TGDS: variants seen among roughly 807,000 people sequenced by gnomAD.
TGDS encodes the protein TDP-glucose 4,6-dehydratase.
TGDS carries 47 observed loss-of-function variants against 52.3 expected under a neutral mutation model. The ratio of observed to expected loss-of-function variants is 0.90; its 90% CI spans 0.71 to 1.15. The LOEUF is 1.15. Ranked by LOEUF, TGDS falls within the 50% of genes most tolerant of loss-of-function variation. TGDS has a pLI of 0.00. For missense variants in TGDS, 375 were observed against 418.4 expected, an observed-to-expected ratio of 0.90 and a Z score of 0.90; for synonymous variants, 115 against 136.9, an observed-to-expected ratio of 0.84 and a Z score of 1.12.
At chr13:94,590,799 G>A in intron 4 of TGDS, 54 bp downstream of exon 4, 8 of 1,370,282 alleles carry the variant, frequency 5.8e-6, no homozygotes, top group South Asian at 5.7e-5. Context: ...TATTAGGGGG[G>A]CGAGGGCGGG....
At position 94,596,016 on chromosome 13, in the gene TGDS, G is replaced by T. The variant is rs763799035; in HGVS notation, c.86+35C>A. 30 of 1,611,698 alleles carry T rather than the reference G, an allele frequency of 1.9e-5. No individual in the cohort carries two copies. In the Admixed American group the frequency reaches 2.8e-4, roughly 15 times the overall value. On this transcript the variant is annotated intron_variant, in intron 1 of 11. Coordinates refer to ENST00000261296, the MANE Select transcript of TGDS (RefSeq NM_014305.4). ...TGCGGGAAAAGGTAGGGGTTTCTGG[G>T]GAGCCACTGCTTGGCTAGCGGCGCC...
chr13:94,575,737 CT>C (rs555196392), intron 11 of TGDS, among the ~76,000 whole-genome samples: 1 of 151,996 alleles, frequency 6.6e-6, no homozygotes, highest in African/African-American at 2.4e-5. Flanking sequence ...TGAATCAAAA[CT>C]TTTTTTTCTA....
At chr13:94,575,577 C>T (rs1888574893) in intron 11 of TGDS, among the ~76,000 whole-genome samples, 1 of 152,092 alleles carries the variant, frequency 6.6e-6, no homozygotes, top group African/African-American at 2.4e-5. Flanking sequence ...ATGTGAGCCA[C>T]TATGCCCAGC....
rs7331791 is a variant in TGDS at position 94,592,475 on chromosome 13, C to T, written c.154-166G>A. 3.6e-3 allele frequency among the ~76,000 whole-genome samples: 554 copies of T among 152,090 alleles called. 7 individuals are homozygous for T. The highest frequency in any genetic ancestry group is 0.013 in the African/African-American group (523 of 41,502). Reference sequence around the variant, plus strand: ...TCTTTACACTACTTTTTTTTTGAGACGGAGTCTCACTCTGTTGCCCAGGCT... The same window carrying T: ...TCTTTACACTACTTTTTTTTTGAGATGGAGTCTCACTCTGTTGCCCAGGCT... On this transcript the variant is annotated intron_variant, in intron 2 of 11. Transcript: ENST00000261296.
Position 94,574,789 on chromosome 13 carries a change from G to A in TGDS, c.1046C>T (p.Pro349Leu), listed in dbSNP as rs533417105. The change falls in exon 12 of 12, where the codon CCG becomes CTG. Residue 349 changes from proline to leucine, a missense_variant. By Grantham distance (98) the Pro-to-Leu change is moderately conservative (BLOSUM62 -3). Transcript: ENST00000261296. ...CGACTATATAAATGGTGATTATACC[G>A]GAAAGGGTTCTAATGCCTTTTCCAC... ...KNVEKALEPFPV is the reference protein window; with the variant it reads ...KNVEKALEPFLV 278 of 1,598,766 alleles carry A rather than the reference G, an allele frequency of 1.7e-4. 1 individual carries two copies. The Middle Eastern group carries it at 2.2e-3, about 12-fold the overall frequency.
intron 4 of TGDS, among the ~76,000 whole-genome samples, chr13:94,584,130 A>G (rs953841500): frequency 6.6e-6 from 1 of 152,236 alleles, no homozygotes; most frequent in Non-Finnish European, 1.5e-5. Flanking sequence ...TAAGGAAGGA[A>G]ACTTGGAAAT....
rs572019007 is a variant in TGDS at position 94,576,492 on chromosome 13, A to AT, written c.885-82dup. 46 of 910,596 alleles carry AT rather than the reference A, an allele frequency of 5.1e-5. No homozygotes were observed. The South Asian group carries it at 1.3e-3, about 25-fold the overall frequency. The allele number at this position is 910,596 out of a possible 1,614,324, so 56.4% of individuals were successfully genotyped here. A position where few individuals can be genotyped will look rare whatever the true frequency, so the allele number is the denominator to read the frequency against. On this transcript the variant is annotated intron_variant, in intron 10 of 11. Coordinates refer to ENST00000261296, the MANE Select transcript of TGDS (RefSeq NM_014305.4). ...GATATTAGGAGATATGTGTTTATGC[A>AT]TTTTTACCACAACCCAACTTTTCTC... is the stretch of plus-strand genomic sequence containing the variant.
intron 3 of TGDS, 62 bp downstream of exon 3, chr13:94,592,177 CAA>C (rs1413228633): frequency 7.1e-6 from 9 of 1,266,948 alleles, no homozygotes; most frequent in Non-Finnish European, 8.8e-6. Context: ...TTGTAAAGTA[CAA>C]AGATACTATA....
rs768009307 is a variant in TGDS, at chr13:94,590,947, T to C, written c.223-4A>G. On this transcript the variant is annotated splice_polypyrimidine_tract_variant and splice_region_variant and intron_variant, in intron 3 of 11. Transcript: ENST00000261296. ...AGTGAGAATCACATATGTCACCCTATATGAAAAAGCAAACATGAAAGGGCC... is the reference window on the plus strand; with the variant it reads ...AGTGAGAATCACATATGTCACCCTACATGAAAAAGCAAACATGAAAGGGCC... 7.7e-6 allele frequency: 12 copies of C among 1,565,180 alleles called. No individual in the cohort carries two copies. The highest frequency in any genetic ancestry group is 6.2e-5 in the South Asian group (5 of 81,272).
intron 2 of TGDS, 72 bp from the exon 3 acceptor site, chr13:94,592,381 T>A: frequency 8.5e-7 from 1 of 1,174,480 alleles, no homozygotes; most frequent in Non-Finnish European, 1.2e-6. Flanking sequence ...TACCAATTTA[T>A]TTTAAAGACT....
At position 94,596,049 on chromosome 13, in the gene TGDS, A is replaced by G. The variant is rs1345536203; in HGVS notation, c.86+2T>C. The stretch of plus-strand genomic sequence containing the variant: ...TGCTTGGCTAGCGGCGCCATTACCT[A>G]CATGAAACCAGCACCGCCGGTCACC... On this transcript the variant is annotated splice_donor_variant, in intron 1 of 11. Transcript: ENST00000261296. LOFTEE classifies it high-confidence loss of function. The G allele has an allele frequency of 1.2e-6, 2 of 1,614,020 alleles. No homozygotes were observed. Among genetic ancestry groups the G allele is most frequent in the South Asian group, 2.2e-5 (2 of 91,086 alleles).
intron 8 of TGDS, 110 bp downstream of exon 8, chr13:94,578,620 T>C: frequency 1.3e-6 from 1 of 745,624 alleles, no homozygotes; most frequent in Non-Finnish European, 2.3e-6. Context: ...TTAAATTTAG[T>C]GGGGCATTCA....
In TGDS at chr13:94,574,765, G is replaced by A. The variant is rs780321031; in HGVS notation, c.*17C>T. On this transcript the variant is annotated 3_prime_UTR_variant, in exon 12 of 12. Transcript: ENST00000261296. ...AACTTTCTTCTTTGACAACTGTCTCGACTATATAAATGGTGATTATACCGG... is the reference window on the plus strand; with the variant it reads ...AACTTTCTTCTTTGACAACTGTCTCAACTATATAAATGGTGATTATACCGG... The A allele has an allele frequency of 2.0e-6, 3 of 1,534,456 alleles. No homozygotes were observed. The highest frequency in any genetic ancestry group is 1.4e-5 in the African/African-American group (1 of 71,968).
intron 6 of TGDS, 59 bp downstream of exon 6, chr13:94,581,032 A>T: frequency 1.0e-6 from 1 of 981,996 alleles, no homozygotes; most frequent in East Asian, 2.7e-5. Flanking sequence ...GCTGACTTGG[A>T]GTTTTAACAC....
At chr13:94,588,321 G>A (rs1451575376) in intron 4 of TGDS, among the ~76,000 whole-genome samples, 1 of 150,774 alleles carries the variant, frequency 6.6e-6, no homozygotes. Context: ...TACTCAGGAG[G>A]CTGAGGCAGG....
chr13:94,579,954 C>A lies in TGDS; in HGVS notation c.556-1G>T. 6.3e-7 allele frequency: 1 copy of A among 1,587,520 alleles called. No homozygotes were observed. The highest frequency in any genetic ancestry group is 8.6e-7 in the Non-Finnish European group (1 of 1,160,142). ...TGCTTCTTGTGATGACAACTGGAAACTTAAAAGAATATCCAACATTAAGGC... is the reference window on the plus strand; with the variant it reads ...TGCTTCTTGTGATGACAACTGGAAAATTAAAAGAATATCCAACATTAAGGC... On this transcript the variant is annotated splice_acceptor_variant, in intron 6 of 11. Transcript: ENST00000261296. LOFTEE classifies it high-confidence loss of function.
chr13:94,589,650 G>C (rs1237124295), intron 4 of TGDS, among the ~76,000 whole-genome samples: 2 of 152,130 alleles, frequency 1.3e-5, no homozygotes, highest in Non-Finnish European at 2.9e-5. Flanking sequence ...TTTCATAAAG[G>C]AGAAATCCAA....
chr13:94,578,952 C>T (rs975750977), intron 7 of TGDS, among the ~76,000 whole-genome samples, 179 bp from the exon 8 acceptor site: 15 of 152,028 alleles, frequency 9.9e-5, no homozygotes, highest in Non-Finnish European at 1.8e-4. Flanking sequence ...TCCTAGTTTG[C>T]TATTTCATAA....
rs776492009 is a variant in TGDS at position 94,583,117 on chromosome 13, C to T, written c.433G>A (p.Val145Ile). Residue 145 changes from valine to isoleucine, a missense_variant, in exon 5 of 12, where the codon GTA becomes ATA. Transcript: ENST00000261296. ...ACCTTATCAAGACTGCCACCATATA[C>T]TTCATCTGTGCTGACATAAATAAAC... is the stretch of plus-strand genomic sequence containing the variant. Reference protein sequence around the residue: ...EKFIYVSTDEVYGGSLDKEFD... With the variant: ...EKFIYVSTDEIYGGSLDKEFD... The T allele has an allele frequency of 8.7e-6, 14 of 1,613,762 alleles. No homozygotes were observed. The highest frequency in any genetic ancestry group is 9.3e-6 in the Non-Finnish European group (11 of 1,179,866).
Sources: gnomAD v4.1 joint callset for allele counts (sites outside exome capture counted in the v4.1 genomes callset) on GRCh38, gnomAD v4.1.1 for gene constraint, MANE v1.5 for transcripts, NCBI Gene and HGNC (gene_info 2026-07-23, HGNC 2026-07-21) for gene names.